The following TNFRSF10B variants were observed in gnomAD, a reference collection of about 807,000 sequenced individuals.
TNFRSF10B encodes the protein tumor necrosis factor receptor superfamily member 10B.
TNFRSF10B carries 35 observed loss-of-function variants against 41.4 expected under a neutral mutation model. That is an observed-to-expected ratio of 0.85 (90% confidence interval 0.65 to 1.12). The LOEUF is 1.12. Ranked by LOEUF, TNFRSF10B falls within the 50% of genes most tolerant of loss-of-function variation. TNFRSF10B has a pLI of 0.00. For missense variants in TNFRSF10B, 584 were observed against 552.7 expected (o/e 1.06, Z -0.57); for synonymous variants, 230 against 215.5 (o/e 1.07, Z -0.59).
At position 23,022,782 on chromosome 8, in the gene TNFRSF10B, A is replaced by G; in HGVS notation, c.1212T>C (p.Asp404=). The part of the protein sequence containing the change: ...GRDASVHTLL[D]ALETLGERLA... Reference sequence around the variant, plus strand: ...GTCTCTCTCCCAGCGTCTCCAAGGCATCCAGCAGGGTGTGGACAGAGGCAT... The same window carrying G: ...GTCTCTCTCCCAGCGTCTCCAAGGCGTCCAGCAGGGTGTGGACAGAGGCAT... The change falls in exon 9 of 9, where the codon GAT becomes GAC. Residue 404 remains aspartate, a synonymous_variant. Coordinates refer to ENST00000276431, the MANE Select transcript of TNFRSF10B (RefSeq NM_003842.5). 6.2e-7 allele frequency: 1 copy of G among 1,613,986 alleles called. No homozygotes were observed. Among genetic ancestry groups the G allele is most frequent in the Non-Finnish European group, 8.5e-7 (1 of 1,179,924 alleles).
chr8:23,031,595 A>G (rs1811887212), intron 2 of TNFRSF10B, among the ~76,000 whole-genome samples: 2 of 151,688 alleles, frequency 1.3e-5, no homozygotes, highest in South Asian at 2.1e-4. Context: ...AGGTTTCACC[A>G]TGTTGCCTAG....
chr8:23,022,241 C>G lies in TNFRSF10B; in HGVS notation c.*430G>C, dbSNP rs987781662. ...CACCATTGCACTCCAGCCTGGGAGA[C>G]AGAGTGAACTGCCCCGCACCCCCCA... On this transcript the variant is annotated 3_prime_UTR_variant, in exon 9 of 9. Coordinates refer to ENST00000276431, the MANE Select transcript of TNFRSF10B (RefSeq NM_003842.5). The G allele has an allele frequency of 6.6e-6, 3 of 452,398 alleles. No individual in the cohort carries two copies. Among genetic ancestry groups the G allele is most frequent in the African/African-American group, 6.1e-5 (3 of 49,210 alleles). 28.0% of individuals were successfully genotyped at this position (452,398 alleles called of 1,614,324 possible).
intron 4 of TNFRSF10B, among the ~76,000 whole-genome samples, 177 bp from the exon 5 acceptor site, chr8:23,028,779 G>C (rs1811790854): frequency 6.6e-6 from 1 of 152,216 alleles, no homozygotes; most frequent in East Asian, 1.9e-4. Context: ...GGAAGGGTCT[G>C]AGCATGCGCA....
At chr8:23,037,611 G>A (rs746391118) in intron 2 of TNFRSF10B, among the ~76,000 whole-genome samples, 25 of 152,268 alleles carry the variant, frequency 1.6e-4, no homozygotes, top group African/African-American at 2.6e-4. Context: ...CAAATGAAGC[G>A]CCCACTATAA....
Position 23,030,709 on chromosome 8 carries a change from G to A in TNFRSF10B, c.364+50C>T, listed in dbSNP as rs1303434629. ...ATCCCATTTTAGCTACAACTTTTATGTCATCACCCCGCATTCCACCTTTAG... is the reference window on the plus strand; with the variant it reads ...ATCCCATTTTAGCTACAACTTTTATATCATCACCCCGCATTCCACCTTTAG... On this transcript the variant is annotated intron_variant, in intron 3 of 8. Coordinates refer to ENST00000276431, the MANE Select transcript of TNFRSF10B (RefSeq NM_003842.5). 3 of 1,427,418 alleles carry A rather than the reference G, an allele frequency of 2.1e-6. No homozygotes were observed. In the South Asian group the frequency reaches 3.6e-5, roughly 17 times the overall value. The allele number at this position is 1,427,418 out of a possible 1,614,324, so 88.4% of individuals were successfully genotyped here.
chr8:23,059,421 T>C (rs769060647), intron 1 of TNFRSF10B, among the ~76,000 whole-genome samples: 2 of 152,258 alleles, frequency 1.3e-5, no homozygotes, highest in Non-Finnish European at 2.9e-5. Flanking sequence ...CTGTTTTCCA[T>C]AGTGGCTGCA....
At chr8:23,029,967 C>G (rs375414212) in intron 3 of TNFRSF10B, among the ~76,000 whole-genome samples, 2 of 152,178 alleles carry the variant, frequency 1.3e-5, no homozygotes, top group Admixed American at 6.5e-5. Flanking sequence ...GGGAAAGCAC[C>G]GTTTAGGGGA....
intron 1 of TNFRSF10B, among the ~76,000 whole-genome samples, chr8:23,055,818 C>T (rs577926051): frequency 6.6e-6 from 1 of 152,212 alleles, no homozygotes; most frequent in East Asian, 1.9e-4. Flanking sequence ...TACTGAGGCT[C>T]CACAGGAAGG....
chr8:23,055,071 G>C (rs1812625613), intron 1 of TNFRSF10B, among the ~76,000 whole-genome samples: 2 of 152,010 alleles, frequency 1.3e-5, no homozygotes, highest in Non-Finnish European at 2.9e-5. Flanking sequence ...TCTACAGTTT[G>C]GATTAAATTC....
intron 5 of TNFRSF10B, 167 bp downstream of exon 5, chr8:23,028,163 TG>T (rs1276379009): frequency 4.7e-5 from 41 of 864,292 alleles, no homozygotes; most frequent in Non-Finnish European, 6.0e-5. Flanking sequence ...ACCAGGGTCC[TG>T]GGGGGTGCAC....
chr8:23,030,975 A>T, intron 2 of TNFRSF10B, 103 bp from the exon 3 acceptor site: 2 of 810,502 alleles, frequency 2.5e-6, no homozygotes, highest in Non-Finnish European at 4.2e-6. Context: ...TGGAACCAAA[A>T]GAGGGAAATC....
At chr8:23,030,609 A>T (rs1811851268) in intron 3 of TNFRSF10B, 150 bp downstream of exon 3, 2 of 663,328 alleles carry the variant, frequency 3.0e-6, no homozygotes, top group African/African-American at 1.8e-5. Flanking sequence ...TGTTTTATTT[A>T]TTAAAAAGCT....
chr8:23,045,060 CAAAAAAAAA>C (rs35953846), intron 1 of TNFRSF10B, among the ~76,000 whole-genome samples: 2 of 38,804 alleles, frequency 5.2e-5, no homozygotes, highest in Non-Finnish European at 8.9e-5. Context: ...TAATAAAATA[CAAAAAAAAA>C]AAAAAAAAAA....
At chr8:23,053,018 A>G (rs1457427400) in intron 1 of TNFRSF10B, among the ~76,000 whole-genome samples, 2 of 152,248 alleles carry the variant, frequency 1.3e-5, no homozygotes, top group African/African-American at 2.4e-5. Context: ...CAGAAAGTCA[A>G]GGCATGTCAG....
At chr8:23,027,775 T>A (rs773519847) in intron 5 of TNFRSF10B, 22 bp from the exon 6 acceptor site, 1 of 1,613,740 alleles carries the variant, frequency 6.2e-7, no homozygotes, top group Admixed American at 1.7e-5. Flanking sequence ...GCAGTCTCCT[T>A]AGCAGGAAGG....
At chr8:23,032,767 T>C (rs1235816707) in intron 2 of TNFRSF10B, among the ~76,000 whole-genome samples, 3 of 152,242 alleles carry the variant, frequency 2.0e-5, no homozygotes, top group African/African-American at 4.8e-5. Context: ...AACAATTTCA[T>C]TGACAATGAC....
intron 1 of TNFRSF10B, among the ~76,000 whole-genome samples, chr8:23,063,211 G>A (rs911241555): frequency 6.6e-6 from 1 of 152,110 alleles, no homozygotes; most frequent in Non-Finnish European, 1.5e-5. Flanking sequence ...AGCTGGGTGT[G>A]GTGGCAAGCG....
At chr8:23,046,042 C>G (rs964357927) in intron 1 of TNFRSF10B, among the ~76,000 whole-genome samples, 2 of 152,196 alleles carry the variant, frequency 1.3e-5, no homozygotes, top group African/African-American at 4.8e-5. Flanking sequence ...AGGATGCTCA[C>G]TCTCACCACC....
chr8:23,028,289 G>A (rs1465102956), intron 5 of TNFRSF10B, 42 bp downstream of exon 5: 2 of 1,612,412 alleles, frequency 1.2e-6, no homozygotes, highest in African/African-American at 1.3e-5. Context: ...GAGGGGGCAG[G>A]GCAGAGAGTG....
Sources: allele counts gnomAD v4.1 joint callset (sites outside exome capture counted in the v4.1 genomes callset), GRCh38; gene constraint gnomAD v4.1.1; transcripts MANE v1.5; gene names NCBI Gene and HGNC (gene_info 2026-07-23, HGNC 2026-07-21).